The following NOL4 variants were observed in gnomAD, a reference collection of about 807,000 sequenced individuals.
NOL4 encodes the protein cancer/testis antigen 125.
In NOL4, 17 loss-of-function variants were observed where a neutral mutation model predicts 75.9. The ratio of observed to expected loss-of-function variants is 0.22; its 90% CI spans 0.15 to 0.34. The LOEUF (loss-of-function observed/expected upper bound fraction) is 0.34, where lower values mean the gene tolerates loss of function less well. Ranked by LOEUF, NOL4 falls within the 10% of genes least tolerant of loss-of-function variation. The pLI, the probability that NOL4 is intolerant of heterozygous loss-of-function variation, is 1.00. For synonymous variants in NOL4, 292 were observed against 289.9 expected, an observed-to-expected ratio of 1.01 and a Z score of -0.07; for missense variants, 614 against 793.5, an observed-to-expected ratio of 0.77 and a Z score of 2.72.
chr18:34,128,942 A>G (rs2080506572), intron 2 of NOL4: 2 of 745,688 alleles, frequency 2.7e-6, no homozygotes, highest in Non-Finnish European at 3.3e-6. Flanking sequence ...AGCTGAAAAC[A>G]GTTAATATAA....
rs375143218 is a variant in NOL4 at position 33,886,919 on chromosome 18, C to T, written c.1543-3495G>A. 5.4e-3 allele frequency among the ~76,000 whole-genome samples: 584 copies of T among 107,428 alleles called. 8 individuals are homozygous for T. Among genetic ancestry groups the T allele is most frequent in the Non-Finnish European group, 7.4e-3 (349 of 46,900 alleles). 70.5% of individuals were successfully genotyped at this position (107,428 alleles called of 152,430 possible). A position where few individuals can be genotyped will look rare whatever the true frequency, so the allele number is the denominator to read the frequency against. ...TATTATATCTAGATATATCTATATA[C>T]ATATATATCTATATATCTATATATC... On this transcript the variant is annotated intron_variant, in intron 9 of 10. Coordinates refer to ENST00000261592, the MANE Select transcript of NOL4 (RefSeq NM_003787.5).
chr18:33,893,085 T>C (rs950089156), intron 9 of NOL4, among the ~76,000 whole-genome samples: 3 of 152,152 alleles, frequency 2.0e-5, no homozygotes, highest in African/African-American at 7.2e-5. Context: ...CGGAGTTGTT[T>C]TGATTAGATT....
chr18:34,098,660 T>C (rs2078901350), intron 4 of NOL4, among the ~76,000 whole-genome samples: 1 of 152,060 alleles, frequency 6.6e-6, no homozygotes, highest in South Asian at 2.1e-4. Flanking sequence ...ATCTAATTTC[T>C]CCCCTTTGAG....
intron 1 of NOL4, among the ~76,000 whole-genome samples, chr18:34,207,915 G>C (rs2036235065): frequency 6.6e-6 from 1 of 152,198 alleles, no homozygotes; most frequent in Admixed American, 6.5e-5. Flanking sequence ...CAGCAGTGCA[G>C]CTCCATGAGC....
chr18:33,974,266 C>T (rs2071317066), intron 6 of NOL4, among the ~76,000 whole-genome samples: 1 of 152,172 alleles, frequency 6.6e-6, no homozygotes, highest in Non-Finnish European at 1.5e-5. Context: ...CCTCTCCCAG[C>T]ATTCACAGAA....
At chr18:33,884,013 G>T (rs2064478601) in intron 9 of NOL4, among the ~76,000 whole-genome samples, 1 of 152,020 alleles carries the variant, frequency 6.6e-6, no homozygotes, top group African/African-American at 2.4e-5. Context: ...GGTGGAGGTG[G>T]GTTGGTTCTG....
At chr18:33,913,680 A>C (rs2066542609) in intron 9 of NOL4, among the ~76,000 whole-genome samples, 1 of 152,154 alleles carries the variant, frequency 6.6e-6, no homozygotes, top group African/African-American at 2.4e-5. Context: ...GGGTCACACA[A>C]CTATAAGCAC....
At chr18:34,062,875 C>A (rs2077122592) in intron 5 of NOL4, among the ~76,000 whole-genome samples, 1 of 151,982 alleles carries the variant, frequency 6.6e-6, no homozygotes, top group African/African-American at 2.4e-5. Flanking sequence ...AAATGAAAAT[C>A]CCAAACCAAA....
In NOL4 at chr18:34,032,269, G is replaced by A. The variant is rs111315269; in HGVS notation, c.773-12668C>T. Among the ~76,000 whole-genome samples, 1,375 of 152,252 alleles carry A rather than the reference G, an allele frequency of 9.0e-3. 13 individuals carry two copies. The highest frequency in any genetic ancestry group is 0.012 in the Non-Finnish European group (833 of 68,002). Reference sequence around the variant, plus strand: ...TAGCACCACCCTATCCAGTAGCAGGGCTGCAGCATAACCACTGCTGCCCAC... The same window carrying A: ...TAGCACCACCCTATCCAGTAGCAGGACTGCAGCATAACCACTGCTGCCCAC... On this transcript the variant is annotated intron_variant, in intron 5 of 10. Transcript: ENST00000261592.
At chr18:33,862,963 C>T (rs1248144706) in intron 10 of NOL4, among the ~76,000 whole-genome samples, 7 of 152,174 alleles carry the variant, frequency 4.6e-5, no homozygotes, top group African/African-American at 1.7e-4. Flanking sequence ...TATAAAGACA[C>T]ATGCACACGT....
chr18:34,015,418 G>A (rs1006758390), intron 6 of NOL4, among the ~76,000 whole-genome samples: 7 of 151,878 alleles, frequency 4.6e-5, no homozygotes, highest in African/African-American at 1.7e-4. Flanking sequence ...CTTCATCTAA[G>A]GATCGCTTAG....
At chr18:33,912,055 A>G (rs2066441103) in intron 9 of NOL4, among the ~76,000 whole-genome samples, 1 of 152,030 alleles carries the variant, frequency 6.6e-6, no homozygotes, top group South Asian at 2.1e-4. Context: ...TCTTATTTTC[A>G]TATTTGTATA....
chr18:33,967,912 C>G (rs1286261584), intron 6 of NOL4, among the ~76,000 whole-genome samples: 5 of 151,910 alleles, frequency 3.3e-5, no homozygotes, highest in Non-Finnish European at 5.9e-5. Context: ...ATGGTGAAAC[C>G]CTGTCTCTAC....
intron 6 of NOL4, among the ~76,000 whole-genome samples, chr18:34,016,785 T>C (rs1422552063): frequency 6.6e-6 from 1 of 152,138 alleles, no homozygotes; most frequent in East Asian, 1.9e-4. Flanking sequence ...TTGTCCCCAC[T>C]GTTAGACCAT....
intron 6 of NOL4, among the ~76,000 whole-genome samples, chr18:33,980,588 C>A (rs2071873132): frequency 6.6e-6 from 1 of 151,762 alleles, no homozygotes; most frequent in Admixed American, 6.6e-5. Context: ...TCCTGTACCA[C>A]CAAGAAGAGT....
At chr18:34,155,405 G>A (rs947554933) in intron 1 of NOL4, among the ~76,000 whole-genome samples, 4 of 151,940 alleles carry the variant, frequency 2.6e-5, no homozygotes, top group Admixed American at 2.6e-4. Context: ...AGTTGTGAAT[G>A]CAGGAAAACT....
Position 34,019,346 on chromosome 18 carries a change from TC to T in NOL4, c.1027del (p.Glu343AsnfsTer27). ...KNLLISDLKM[E>X]REARENGSKS... ...GCTTCCATTTTCTCTCGCCTCTCGTTCCATCTTGAGGTCAGAAATTAGAAGA... is the reference window on the plus strand; with the variant it reads ...GCTTCCATTTTCTCTCGCCTCTCGTTCATCTTGAGGTCAGAAATTAGAAGA... On this transcript the variant is annotated frameshift_variant, in exon 6 of 11. Coordinates refer to ENST00000261592, the MANE Select transcript of NOL4 (RefSeq NM_003787.5). LOFTEE classifies it high-confidence loss of function. The T allele has an allele frequency of 1.9e-6, 3 of 1,613,812 alleles. No individual in the cohort carries two copies. The highest frequency in any genetic ancestry group is 2.5e-6 in the Non-Finnish European group (3 of 1,179,720).
At chr18:34,095,008 C>A (rs1036347309) in intron 4 of NOL4, among the ~76,000 whole-genome samples, 11 of 152,088 alleles carry the variant, frequency 7.2e-5, no homozygotes, top group African/African-American at 2.7e-4. Flanking sequence ...CAAGACTATC[C>A]TGGTAGACTA....
Position 33,970,628 on chromosome 18 carries a change from C to T in NOL4, c.1057-12210G>A, listed in dbSNP as rs565921997. On this transcript the variant is annotated intron_variant, in intron 6 of 10. Coordinates refer to ENST00000261592, the MANE Select transcript of NOL4 (RefSeq NM_003787.5). ...CTGTAGGATCACATTATTCTCATAACTTATACAGATCACATTATCCTCATA... is the reference window on the plus strand; with the variant it reads ...CTGTAGGATCACATTATTCTCATAATTTATACAGATCACATTATCCTCATA... Among the ~76,000 whole-genome samples, 26 of 151,668 alleles carry T rather than the reference C, an allele frequency of 1.7e-4. No individual in the cohort carries two copies. The East Asian group carries it at 4.1e-3, about 24-fold the overall frequency.
Sources: allele counts gnomAD v4.1 joint callset (sites outside exome capture counted in the v4.1 genomes callset), GRCh38; gene constraint gnomAD v4.1.1; transcripts MANE v1.5; gene names NCBI Gene and HGNC (gene_info 2026-07-23, HGNC 2026-07-21).